Variants in TIMD4 observed in about 807,000 individuals in gnomAD.
TIMD4 encodes T cell immunoglobulin and mucin domain containing 4, also known as T-cell immunoglobulin and mucin domain-containing protein 4.
Under a neutral mutation model 41.2 loss-of-function variants are expected in TIMD4, and 31 were observed. The observed-to-expected ratio is 0.75, with a 90% CI of 0.57 to 1.01. The LOEUF is 1.01. Among genes scored for constraint, TIMD4 ranks in the 50% least tolerant of loss-of-function variants. The pLI is 0.00. For synonymous variants in TIMD4, 204 were observed against 177.1 expected, an observed-to-expected ratio of 1.15 and a Z score of -1.21; for missense variants, 479 against 472.5, an observed-to-expected ratio of 1.01 and a Z score of -0.13.
At chr5:156,957,512 CAA>C (rs3068101) in intron 1 of TIMD4, among the ~76,000 whole-genome samples, 4 of 113,862 alleles carry the variant, frequency 3.5e-5, no homozygotes, top group East Asian at 2.6e-4. Context: ...GAGTCTATCT[CAA>C]AAAAAAAAAA....
At chr5:156,958,079 C>A (rs1476412673) in intron 1 of TIMD4, among the ~76,000 whole-genome samples, 2 of 151,998 alleles carry the variant, frequency 1.3e-5, no homozygotes, top group Non-Finnish European at 2.9e-5. Context: ...CGAGACCAGC[C>A]TGGCCAACAT....
intron 5 of TIMD4, among the ~76,000 whole-genome samples, chr5:156,941,318 T>TA (rs1030793798): frequency 6.6e-5 from 10 of 151,982 alleles, no homozygotes; most frequent in South Asian, 2.1e-4. Flanking sequence ...CAATAAATAC[T>TA]AAAAAAAATT....
In TIMD4 at chr5:156,952,536, G is replaced by A. The variant is rs116298152; in HGVS notation, c.401-746C>T. Among the ~76,000 whole-genome samples, 383 of 152,114 alleles carry A rather than the reference G, an allele frequency of 2.5e-3. 5 individuals carry two copies. The highest frequency in any genetic ancestry group is 0.014 in the Middle Eastern group (4 of 294). On this transcript the variant is annotated intron_variant, in intron 2 of 8. Transcript: ENST00000274532. The stretch of plus-strand genomic sequence containing the variant: ...TATATCAGCAACCTTCCCGCTGCAC[G>A]AACCTTTGTACCTGCTGCTTCCTAT...
intron 4 of TIMD4, 47 bp downstream of exon 4, chr5:156,949,604 T>G (rs1230080571): frequency 6.9e-7 from 1 of 1,453,942 alleles, no homozygotes; most frequent in Non-Finnish European, 9.7e-7. Context: ...TTCCTTCTCC[T>G]CAGTACAAAG....
intron 5 of TIMD4, among the ~76,000 whole-genome samples, chr5:156,937,815 TC>T (rs1759567668): frequency 6.6e-6 from 1 of 152,214 alleles, no homozygotes; most frequent in African/African-American, 2.4e-5. Flanking sequence ...TTTGTCTTTT[TC>T]CTTTATCCCC....
intron 5 of TIMD4, among the ~76,000 whole-genome samples, chr5:156,945,024 A>T (rs1424498277): frequency 1.3e-5 from 2 of 152,230 alleles, no homozygotes; most frequent in African/African-American, 4.8e-5. Context: ...TGCCATCGAA[A>T]ATTACATGAA....
At chr5:156,924,833 C>G (rs542735811) in intron 6 of TIMD4, 9 of 153,360 alleles carry the variant, frequency 5.9e-5, no homozygotes, top group African/African-American at 1.9e-4. Context: ...ATTAAACTGG[C>G]TTTCTTCTTC....
chr5:156,923,481 G>A (rs1332208538), intron 6 of TIMD4, among the ~76,000 whole-genome samples: 1 of 151,764 alleles, frequency 6.6e-6, no homozygotes, highest in Admixed American at 6.6e-5. Flanking sequence ...AAATGTCTCA[G>A]TTTTTTCTGC....
At chr5:156,939,971 G>A (rs1375178530) in intron 5 of TIMD4, among the ~76,000 whole-genome samples, 6 of 152,144 alleles carry the variant, frequency 3.9e-5, no homozygotes, top group South Asian at 2.1e-4. Flanking sequence ...CCTCTCCGTC[G>A]TCTCCGTCTC....
Position 156,963,067 on chromosome 5 carries a change from C to T in TIMD4, c.58+74G>A, listed in dbSNP as rs1156940170. ...AGCTTCTGCTTCACTGAGGCCCAAA[C>T]CAGTGCATGGAAATCCATCACACAA... is the stretch of plus-strand genomic sequence containing the variant. On this transcript the variant is annotated intron_variant, in intron 1 of 8. Transcript: ENST00000274532. 3 of 1,471,862 alleles carry T rather than the reference C, an allele frequency of 2.0e-6. No homozygotes were observed. In the African/African-American group the frequency reaches 4.2e-5, roughly 20 times the overall value. The allele number at this position is 1,471,862 out of a possible 1,614,324, so 91.2% of individuals were successfully genotyped here.
chr5:156,954,300 T>C (rs1759920464), intron 2 of TIMD4, 115 bp downstream of exon 2: 1 of 996,672 alleles, frequency 1.0e-6, no homozygotes, highest in African/African-American at 1.6e-5. Context: ...TCAAATTCAA[T>C]CTTCCCACTC....
intron 6 of TIMD4, among the ~76,000 whole-genome samples, chr5:156,923,666 G>C (rs1561543675): frequency 6.6e-6 from 1 of 151,052 alleles, no homozygotes; most frequent in Non-Finnish European, 1.5e-5. Context: ...AGCCTCCTGA[G>C]TAGCTGGGAC....
rs1759933023 is a variant in TIMD4, at chr5:156,954,596, T to G, written c.219A>C (p.Gly73=). 9 of 1,614,256 alleles carry G rather than the reference T, an allele frequency of 5.6e-6. No homozygotes were observed. Among genetic ancestry groups the G allele is most frequent in the Non-Finnish European group, 7.6e-6 (9 of 1,180,042 alleles). Residue 73 remains glycine, a synonymous_variant, in exon 2 of 9, where the codon GGA becomes GGC. Coordinates refer to ENST00000274532, the MANE Select transcript of TIMD4 (RefSeq NM_138379.3). ...GCKEALIRTD[G]MRVTSRKSAK... ...CTGACTTTCTTGAGGTCACCCTCAT[T>G]CCATCAGTGCGGATGAGCGCCTCCT...
intron 6 of TIMD4, 103 bp from the exon 7 acceptor site, chr5:156,922,319 A>T (rs1422092078): frequency 5.5e-6 from 5 of 900,958 alleles, no homozygotes; most frequent in Non-Finnish European, 8.9e-6. Flanking sequence ...CAGCAGTTTC[A>T]CTACATTTCA....
intron 5 of TIMD4, among the ~76,000 whole-genome samples, chr5:156,938,546 T>C (rs1289713517): frequency 1.3e-5 from 2 of 152,156 alleles, no homozygotes; most frequent in Non-Finnish European, 2.9e-5. Flanking sequence ...GAGATCTGAT[T>C]GTTCTCACAC....
chr5:156,949,606 A>C, intron 4 of TIMD4, 45 bp downstream of exon 4: 2 of 1,451,622 alleles, frequency 1.4e-6, no homozygotes, highest in South Asian at 1.1e-5. Flanking sequence ...CCTTCTCCTC[A>C]GTACAAAGGG....
At chr5:156,959,783 T>C (rs1760044708) in intron 1 of TIMD4, among the ~76,000 whole-genome samples, 1 of 152,218 alleles carries the variant, frequency 6.6e-6, no homozygotes, top group African/African-American at 2.4e-5. Flanking sequence ...CTCACACCTG[T>C]AATCCCAGCA....
chr5:156,951,005 C>T (rs1019693797), intron 3 of TIMD4, among the ~76,000 whole-genome samples: 2 of 107,996 alleles, frequency 1.9e-5, no homozygotes, highest in African/African-American at 2.8e-5. Flanking sequence ...AACACCTCCT[C>T]GTACACACAC....
At chr5:156,921,505 A>G (rs1759238085) in intron 7 of TIMD4, among the ~76,000 whole-genome samples, 1 of 151,216 alleles carries the variant, frequency 6.6e-6, no homozygotes, top group African/African-American at 2.4e-5. Context: ...CTGTAGTCTC[A>G]GCTACTCAGG....
Sources: gnomAD v4.1 joint callset for allele counts (sites outside exome capture counted in the v4.1 genomes callset) on GRCh38, gnomAD v4.1.1 for gene constraint, MANE v1.5 for transcripts, NCBI Gene and HGNC (gene_info 2026-07-23, HGNC 2026-07-21) for gene names.